UBE2E2: variants seen among roughly 807,000 people sequenced by gnomAD.
UBE2E2 encodes the protein ubiquitin-conjugating enzyme E2 E2.
UBE2E2 carries 6 observed loss-of-function variants against 24.7 expected under a neutral mutation model. That is an observed-to-expected ratio of 0.24 (90% confidence interval 0.13 to 0.48). The LOEUF (loss-of-function observed/expected upper bound fraction) is 0.48. Ranked by LOEUF, UBE2E2 falls within the 20% of genes least tolerant of loss-of-function variation. UBE2E2 has a pLI of 0.99. For missense variants in UBE2E2, 169 were observed against 245.0 expected (o/e 0.69, Z 2.07); for synonymous variants, 104 against 83.6 (o/e 1.24, Z -1.33).
chr3:23,303,829 T>C (rs1441817063), intron 3 of UBE2E2, among the ~76,000 whole-genome samples: 1 of 152,206 alleles, frequency 6.6e-6, no homozygotes, highest in Admixed American at 6.5e-5. Context: ...AATTAACTTC[T>C]GACCATTCTT....
chr3:23,430,000 C>T (rs1446080169), intron 3 of UBE2E2, among the ~76,000 whole-genome samples: 1 of 152,150 alleles, frequency 6.6e-6, no homozygotes, highest in Non-Finnish European at 1.5e-5. Context: ...CCCACCTCAG[C>T]CTCCCATGCA....
intron 3 of UBE2E2, among the ~76,000 whole-genome samples, chr3:23,349,375 G>T (rs1695656627): frequency 6.6e-6 from 1 of 152,238 alleles, no homozygotes; most frequent in Non-Finnish European, 1.5e-5. Flanking sequence ...GTGCCAGACA[G>T]TGGGCACAGG....
chr3:23,469,241 T>G (rs916596893), intron 3 of UBE2E2, among the ~76,000 whole-genome samples: 3 of 152,200 alleles, frequency 2.0e-5, no homozygotes, highest in Admixed American at 1.3e-4. Context: ...ATATTGTTGT[T>G]AGGATTTAAA....
chr3:23,386,516 G>GT (rs1559368997), intron 3 of UBE2E2, among the ~76,000 whole-genome samples: 1 of 152,146 alleles, frequency 6.6e-6, no homozygotes, highest in African/African-American at 2.4e-5. Context: ...CTTAAAAGGC[G>GT]TGAGTTTATT....
chr3:23,368,268 A>G (rs554382436), intron 3 of UBE2E2, among the ~76,000 whole-genome samples: 4 of 152,166 alleles, frequency 2.6e-5, no homozygotes, highest in Non-Finnish European at 5.9e-5. Context: ...GGCTCCTCCA[A>G]TGACAGTGAT....
intron 3 of UBE2E2, among the ~76,000 whole-genome samples, chr3:23,289,042 T>G (rs1208792810): frequency 4.6e-5 from 7 of 152,242 alleles, no homozygotes; most frequent in Non-Finnish European, 1.0e-4. Flanking sequence ...ACCTGATGTT[T>G]AATTCTCATG....
chr3:23,499,657 G>A lies in UBE2E2; in HGVS notation c.277G>A (p.Gly93Arg), dbSNP rs1217629712. ...TTATGAATGGAGGTCAACTATATTG[G>A]GACCCCCAGGATCTGTCTATGAAGG... Reference protein sequence around the residue: ...NIYEWRSTILGPPGSVYEGGV... With the variant: ...NIYEWRSTILRPPGSVYEGGV... The change falls in exon 4 of 6, where the codon GGA (glycine) becomes AGA (arginine). Residue 93 changes from glycine to arginine, a missense_variant. By Grantham distance (125) the Gly-to-Arg change is moderately radical (BLOSUM62 -2). Transcript: ENST00000396703. The A allele has an allele frequency of 6.2e-7, 1 of 1,613,714 alleles. No individual in the cohort carries two copies. The highest frequency in any genetic ancestry group is 1.3e-5 in the African/African-American group (1 of 74,862).
At chr3:23,335,999 C>G (rs1575568746) in intron 3 of UBE2E2, among the ~76,000 whole-genome samples, 1 of 152,318 alleles carries the variant, frequency 6.6e-6, no homozygotes, top group East Asian at 1.9e-4. Flanking sequence ...ATCATTCTCT[C>G]AGACATGAGT....
chr3:23,400,956 A>G (rs1445366520), intron 3 of UBE2E2, among the ~76,000 whole-genome samples: 1 of 152,236 alleles, frequency 6.6e-6, no homozygotes, highest in Non-Finnish European at 1.5e-5. Flanking sequence ...AAACAAATAA[A>G]TAAGAAAATA....
intron 3 of UBE2E2, among the ~76,000 whole-genome samples, chr3:23,237,016 A>G (rs1280406128): frequency 6.6e-6 from 1 of 152,160 alleles, no homozygotes; most frequent in African/African-American, 2.4e-5. Flanking sequence ...TAGAGGCAGT[A>G]TTACACGGTG....
At chr3:23,345,131 A>G (rs1695513613) in intron 3 of UBE2E2, among the ~76,000 whole-genome samples, 2 of 152,190 alleles carry the variant, frequency 1.3e-5, no homozygotes, top group Admixed American at 1.3e-4. Flanking sequence ...ATCAATTGTG[A>G]TGACTTTGAA....
intron 4 of UBE2E2, among the ~76,000 whole-genome samples, chr3:23,506,295 G>A (rs1054329309): frequency 6.6e-6 from 1 of 152,172 alleles, no homozygotes; most frequent in African/African-American, 2.4e-5. Flanking sequence ...TGAACATCCA[G>A]TAGTCATCTC....
At chr3:23,455,514 T>C (rs1575641432) in intron 3 of UBE2E2, among the ~76,000 whole-genome samples, 2 of 152,070 alleles carry the variant, frequency 1.3e-5, no homozygotes, top group African/African-American at 4.8e-5. Flanking sequence ...GGCTAGGAGT[T>C]CAAGACCAGC....
intron 3 of UBE2E2, among the ~76,000 whole-genome samples, chr3:23,412,054 A>C (rs879712256): frequency 2.0e-5 from 3 of 152,148 alleles, no homozygotes; most frequent in African/African-American, 7.2e-5. Context: ...TGTGCAAGCA[A>C]CACTTAGATG....
chr3:23,458,802 T>G (rs1698740136), intron 3 of UBE2E2, among the ~76,000 whole-genome samples: 1 of 152,118 alleles, frequency 6.6e-6, no homozygotes, highest in South Asian at 2.1e-4. Context: ...AGACATAAAG[T>G]GAGCATGTAC....
intron 3 of UBE2E2, among the ~76,000 whole-genome samples, chr3:23,389,002 C>CAAAAAA (rs34578427): frequency 2.5e-5 from 2 of 81,074 alleles, no homozygotes; most frequent in African/African-American, 4.0e-5. Flanking sequence ...ACTCCATTTC[C>CAAAAAA]AAAAAAAAAA....
At chr3:23,550,507 A>C (rs759776237) in intron 5 of UBE2E2, among the ~76,000 whole-genome samples, 8 of 152,192 alleles carry the variant, frequency 5.3e-5, no homozygotes, top group African/African-American at 1.9e-4. Context: ...GTCAAAGACT[A>C]TGTTGTCCAG....
At chr3:23,524,873 C>CACACACAG (rs1553618118) in intron 4 of UBE2E2, among the ~76,000 whole-genome samples, 4 of 147,502 alleles carry the variant, frequency 2.7e-5, no homozygotes, top group Non-Finnish European at 6.0e-5. Flanking sequence ...CAGACACACA[C>CACACACAG]ACACACACAC....
chr3:23,295,512 T>C (rs112025761), intron 3 of UBE2E2, among the ~76,000 whole-genome samples: 3 of 152,180 alleles, frequency 2.0e-5, no homozygotes, highest in African/African-American at 7.2e-5. Flanking sequence ...ACTGTTTGAG[T>C]TCAACTTACT....
Sources: gnomAD v4.1 joint callset for allele counts (sites outside exome capture counted in the v4.1 genomes callset) on GRCh38, gnomAD v4.1.1 for gene constraint, MANE v1.5 for transcripts, NCBI Gene and HGNC (gene_info 2026-07-23, HGNC 2026-07-21) for gene names.